The following LUZP2 variants were observed in gnomAD, a reference collection of about 807,000 sequenced individuals.
The protein encoded by LUZP2 is leucine zipper protein 2.
A neutral mutation model predicts 51.6 loss-of-function variants in LUZP2; 52 were observed. The ratio of observed to expected loss-of-function variants is 1.01; its 90% CI spans 0.81 to 1.27. The LOEUF is 1.27. LUZP2 is among the 50% of genes most tolerant of loss of function. The pLI, the probability that LUZP2 is intolerant of heterozygous loss-of-function variation, is 0.00. For synonymous variants in LUZP2, 154 were observed against 137.3 expected (o/e 1.12, Z -0.85); for missense variants, 436 against 395.4 (o/e 1.10, Z -0.87).
chr11:24,874,956 C>T (rs1852197764), intron 5 of LUZP2, among the ~76,000 whole-genome samples: 1 of 152,116 alleles, frequency 6.6e-6, no homozygotes, highest in African/African-American at 2.4e-5. Flanking sequence ...AGCAAATTAT[C>T]ATCCATGATA....
chr11:24,646,710 C>T (rs1367128982), intron 1 of LUZP2: 2 of 510,856 alleles, frequency 3.9e-6, no homozygotes, highest in African/African-American at 4.2e-5. Flanking sequence ...TTGGCCATAA[C>T]TGTGTCCAGT....
intron 1 of LUZP2, among the ~76,000 whole-genome samples, chr11:24,607,086 T>A (rs181106268): frequency 6.6e-6 from 1 of 152,104 alleles, no homozygotes; most frequent in Admixed American, 6.5e-5. Context: ...TTCTATAGGC[T>A]TCCATTTTAT....
intron 5 of LUZP2, among the ~76,000 whole-genome samples, chr11:24,899,706 G>A (rs1044113480): frequency 3.3e-5 from 5 of 151,992 alleles, no homozygotes; most frequent in African/African-American, 1.2e-4. Context: ...AGAAAGAGAG[G>A]CATATTATAA....
chr11:24,507,948 T>C (rs1048178597), intron 1 of LUZP2, among the ~76,000 whole-genome samples: 4 of 151,452 alleles, frequency 2.6e-5, no homozygotes, highest in African/African-American at 7.3e-5. Context: ...TTAATTCTCC[T>C]AGAGTGAAAA....
intron 1 of LUZP2, among the ~76,000 whole-genome samples, chr11:24,709,434 T>C (rs1167591990): frequency 6.6e-6 from 1 of 152,108 alleles, no homozygotes. Flanking sequence ...TTTTAAAATA[T>C]ATGGATTTGA....
chr11:25,026,941 C>T (rs1376590951), intron 9 of LUZP2, among the ~76,000 whole-genome samples: 1 of 147,048 alleles, frequency 6.8e-6, no homozygotes, highest in Non-Finnish European at 1.5e-5. Context: ...AAATCTTGAC[C>T]CTCTCCTAAA....
chr11:24,693,225 T>A (rs1254738092), intron 1 of LUZP2, among the ~76,000 whole-genome samples: 2 of 151,744 alleles, frequency 1.3e-5, no homozygotes, highest in Non-Finnish European at 2.9e-5. Context: ...GTTGTTGTTT[T>A]TAAGCATGGT....
rs140016582 is a variant in LUZP2 at position 24,806,908 on chromosome 11, C to CAA, written c.396+43609_396+43610dup. Among the ~76,000 whole-genome samples the CAA allele has an allele frequency of 1.0e-3, 130 of 126,828 alleles. 1 individual carries two copies. The highest frequency in any genetic ancestry group is 4.7e-3 in the Middle Eastern group (1 of 212). The allele number at this position is 126,828 out of a possible 152,430, so 83.2% of individuals were successfully genotyped here. Reference sequence around the variant, plus strand: ...AAGTTGGTTGGAGGATAGGGGATGACAAAAAAAAAATCAAAAAATTAGAAA... The same window carrying CAA: ...AAGTTGGTTGGAGGATAGGGGATGACAAAAAAAAAAAATCAAAAAATTAGAAA... On this transcript the variant is annotated intron_variant, in intron 5 of 11. Transcript: ENST00000336930.
At chr11:24,815,581 T>A (rs756007990) in intron 5 of LUZP2, among the ~76,000 whole-genome samples, 11 of 152,180 alleles carry the variant, frequency 7.2e-5, no homozygotes, top group Non-Finnish European at 1.3e-4. Context: ...TTCTAGAAGA[T>A]ACTTGCTTTT....
intron 5 of LUZP2, among the ~76,000 whole-genome samples, chr11:24,778,063 A>G (rs911608838): frequency 3.9e-5 from 6 of 152,086 alleles, no homozygotes; most frequent in African/African-American, 1.4e-4. Flanking sequence ...TCCATAACTC[A>G]TAGAAATGAG....
In LUZP2 at chr11:24,562,406, G is replaced by C. The variant is rs563211462; in HGVS notation, c.62+65101G>C. 2.3e-3 allele frequency among the ~76,000 whole-genome samples: 348 copies of C among 151,844 alleles called. 3 individuals are homozygous for C. Among genetic ancestry groups the C allele is most frequent in the South Asian group, 0.017 (81 of 4,802 alleles). Reference sequence around the variant, plus strand: ...TTGTTTGATAAGAAAGGCACCCCAAGGGATATAGTTCACTCTAATTTTTAT... The same window carrying C: ...TTGTTTGATAAGAAAGGCACCCCAACGGATATAGTTCACTCTAATTTTTAT... On this transcript the variant is annotated intron_variant, in intron 1 of 11. Transcript: ENST00000336930.
intron 7 of LUZP2, among the ~76,000 whole-genome samples, chr11:24,917,308 A>G (rs1269641421): frequency 6.6e-6 from 1 of 151,718 alleles, no homozygotes; most frequent in Non-Finnish European, 1.5e-5. Context: ...ATGGTAGTTT[A>G]TTTTTGCTGT....
At chr11:24,902,475 G>A (rs1853310674) in intron 5 of LUZP2, among the ~76,000 whole-genome samples, 1 of 152,172 alleles carries the variant, frequency 6.6e-6, no homozygotes, top group South Asian at 2.1e-4. Flanking sequence ...TGGGGGAGTG[G>A]AGAGTAAATA....
rs147892219 is a variant in LUZP2 at position 24,560,088 on chromosome 11, C to T, written c.62+62783C>T. Among the ~76,000 whole-genome samples, 19 of 152,148 alleles carry T rather than the reference C, an allele frequency of 1.2e-4. No individual in the cohort carries two copies. In the East Asian group the frequency reaches 3.5e-3, roughly 28 times the overall value. ...TGTATACCTATGTAACAAACCTGCACGTTCTGCACATGCACCCCAGTGTGA... is the reference window on the plus strand; with the variant it reads ...TGTATACCTATGTAACAAACCTGCATGTTCTGCACATGCACCCCAGTGTGA... On this transcript the variant is annotated intron_variant, in intron 1 of 11. Coordinates refer to ENST00000336930, the MANE Select transcript of LUZP2 (RefSeq NM_001009909.4).
intron 1 of LUZP2, among the ~76,000 whole-genome samples, chr11:24,598,330 C>T (rs1853514259): frequency 6.6e-6 from 1 of 151,584 alleles, no homozygotes; most frequent in East Asian, 1.9e-4. Context: ...AGCTTCTGTA[C>T]AATAAGAATA....
At chr11:24,861,022 G>C (rs1017382295) in intron 5 of LUZP2, among the ~76,000 whole-genome samples, 1 of 152,126 alleles carries the variant, frequency 6.6e-6, no homozygotes, top group Non-Finnish European at 1.5e-5. Context: ...AGCTGAAGGA[G>C]CATGTTCTAA....
At chr11:25,075,168 AT>A (rs1859264543) in intron 10 of LUZP2, among the ~76,000 whole-genome samples, 1 of 152,162 alleles carries the variant, frequency 6.6e-6, no homozygotes, top group African/African-American at 2.4e-5. Flanking sequence ...ACAACAAGAA[AT>A]TTTTCCTTAG....
At chr11:25,027,722 T>G (rs935399348) in intron 9 of LUZP2, among the ~76,000 whole-genome samples, 1 of 151,926 alleles carries the variant, frequency 6.6e-6, no homozygotes, top group Non-Finnish European at 1.5e-5. Flanking sequence ...ATAAAAAAAT[T>G]AGCCGGGCGT....
At chr11:25,050,378 T>TGC (rs1858462994) in intron 10 of LUZP2, among the ~76,000 whole-genome samples, 1 of 133,404 alleles carries the variant, frequency 7.5e-6, no homozygotes, top group African/African-American at 2.8e-5. Flanking sequence ...CTCGGCTCAC[T>TGC]GCAAGCTCCG....
Sources: gnomAD v4.1 joint callset for allele counts (sites outside exome capture counted in the v4.1 genomes callset) on GRCh38, gnomAD v4.1.1 for gene constraint, MANE v1.5 for transcripts, NCBI Gene and HGNC (gene_info 2026-07-23, HGNC 2026-07-21) for gene names.